The following CD109 variants were observed in gnomAD, a reference collection of about 807,000 sequenced individuals.
CD109 encodes CD109 antigen.
Under a neutral mutation model 165.8 loss-of-function variants are expected in CD109, and 149 were observed. That is an observed-to-expected ratio of 0.90 (90% confidence interval 0.79 to 1.03). CD109 has a LOEUF of 1.03. Among genes scored for constraint, CD109 ranks in the 50% least tolerant of loss-of-function variants. The probability of loss-of-function intolerance (pLI) is 0.00; values close to 1 mark genes in which losing one functional copy is unlikely to be tolerated. For missense variants in CD109, 1,712 were observed against 1,677.8 expected, an observed-to-expected ratio of 1.02 and a Z score of -0.36; for synonymous variants, 585 against 592.1, an observed-to-expected ratio of 0.99 and a Z score of 0.18.
At chr6:73,788,826 G>C (rs1430711887) in intron 22 of CD109, among the ~76,000 whole-genome samples, 1 of 152,270 alleles carries the variant, frequency 6.6e-6, no homozygotes, top group African/African-American at 2.4e-5. Flanking sequence ...AATCACCTGG[G>C]AGTCTTGTTT....
intron 9 of CD109, 53 bp downstream of exon 9, chr6:73,762,935 A>T (rs1773690382): frequency 6.8e-7 from 1 of 1,461,008 alleles, no homozygotes; most frequent in Admixed American, 2.3e-5. Context: ...CTGCTTTATC[A>T]TCTTTCTTAT....
At chr6:73,820,391 A>ATTTT in intron 31 of CD109, 70 bp from the exon 32 acceptor site, 1 of 795,864 alleles carries the variant, frequency 1.3e-6, no homozygotes, top group Non-Finnish European at 2.0e-6. Context: ...GATGAGAAAA[A>ATTTT]AGAAATGTCT....
At chr6:73,797,927 A>G (rs1235059484) in intron 23 of CD109, among the ~76,000 whole-genome samples, 2 of 152,168 alleles carry the variant, frequency 1.3e-5, no homozygotes, top group Admixed American at 6.5e-5. Context: ...TTCAAACTCA[A>G]GAGCCATTCC....
chr6:73,781,088 C>T (rs1313385248), intron 16 of CD109, among the ~76,000 whole-genome samples, 171 bp from the exon 17 acceptor site: 3 of 146,654 alleles, frequency 2.0e-5, no homozygotes, highest in South Asian at 4.3e-4. Flanking sequence ...TGTGTGTGTG[C>T]GTGTGTGTGT....
chr6:73,700,420 G>A (rs150845565), intron 2 of CD109, among the ~76,000 whole-genome samples: 6 of 152,002 alleles, frequency 3.9e-5, no homozygotes, highest in Admixed American at 2.6e-4. Flanking sequence ...CCAACAGAAG[G>A]TTGGTTTTAA....
rs749134372 is a variant in CD109 at position 73,792,670 on chromosome 6, C to T, written c.2746C>T (p.Arg916Trp). The part of the protein sequence containing the change: ...PSINGLASLI[R>W]MPYGCGEQNM... ...CATCAATGGCTTAGCCTCATTGATT[C>T]GGATGCCTTATGGCTGTGGTGAACA... The change falls in exon 23 of 33, where the codon CGG (arginine) becomes TGG (tryptophan). Residue 916 changes from arginine (R) to tryptophan (W), a missense_variant. Arg to Trp is a moderately radical substitution (Grantham distance 101). Transcript: ENST00000287097. 1.9e-5 allele frequency: 31 copies of T among 1,613,136 alleles called. No individual in the cohort carries two copies. The highest frequency in any genetic ancestry group is 8.0e-5 in the African/African-American group (6 of 74,910).
intron 28 of CD109, 132 bp from the exon 29 acceptor site, chr6:73,812,073 C>T (rs1775775459): frequency 1.8e-6 from 1 of 559,204 alleles, no homozygotes; most frequent in Middle Eastern, 2.8e-4. Context: ...ATATGTGAGA[C>T]AGTGCAAAGC....
At chr6:73,815,275 A>G in intron 30 of CD109, 152 bp downstream of exon 30, 1 of 539,250 alleles carries the variant, frequency 1.9e-6, no homozygotes, top group Non-Finnish European at 3.0e-6. Flanking sequence ...TAGAAATACT[A>G]CTAATTATAT....
Position 73,730,445 on chromosome 6 carries a change from C to G in CD109, c.378C>G (p.Thr126=). The change falls in exon 4 of 33, where the codon ACC becomes ACG. Residue 126 remains threonine, a synonymous_variant. Coordinates refer to ENST00000287097, the MANE Select transcript of CD109 (RefSeq NM_133493.5). ...FSNSTRLSFE[T]KRISVFIQTD... ...ATAGTACCCGCTTATCATTTGAGAC[C>G]AAGAGAATATCTGTCTTCATTCAAA... The G allele has an allele frequency of 1.2e-6, 2 of 1,613,072 alleles. No individual in the cohort carries two copies. Among genetic ancestry groups the G allele is most frequent in the Admixed American group, 1.7e-5 (1 of 60,016 alleles).
At position 73,785,368 on chromosome 6, in the gene CD109, A is replaced by C. The variant is rs1219458135; in HGVS notation, c.2228A>C (p.Gln743Pro). The part of the protein sequence containing the change: ...LGLTTTPVEL[Q>P]AFQPFFIFLN... ...TACTCGTTGTGTTCTTTCCAGCTCC[A>C]AGCCTTCCAACCATTTTTCATTTTT... The change falls in exon 20 of 33, where the codon CAA (glutamine) becomes CCA (proline). Residue 743 changes from glutamine (Q) to proline (P), a missense_variant. Gln to Pro is a moderately conservative substitution (Grantham distance 76, BLOSUM62 -1). Transcript: ENST00000287097. 8 of 1,582,272 alleles carry C rather than the reference A, an allele frequency of 5.1e-6. No homozygotes were observed. The South Asian group carries it at 9.0e-5, about 18-fold the overall frequency.
chr6:73,796,966 A>G (rs1261808017), intron 23 of CD109, among the ~76,000 whole-genome samples: 3 of 152,236 alleles, frequency 2.0e-5, no homozygotes, highest in Non-Finnish European at 4.4e-5. Flanking sequence ...GCTTTTCATT[A>G]TGAAATCAGT....
At chr6:73,694,079 G>A (rs1770743000), upstream of CD109, 1 of 152,018 alleles carries the variant, frequency 6.6e-6, no homozygotes, top group South Asian at 2.1e-4. Flanking sequence ...AGTAGAGATG[G>A]GGTTTCACAA....
At chr6:73,813,211 G>A (rs1775811889) in intron 29 of CD109, among the ~76,000 whole-genome samples, 1 of 152,072 alleles carries the variant, frequency 6.6e-6, no homozygotes, top group Non-Finnish European at 1.5e-5. Context: ...GAAAGAGAAA[G>A]TAAACAATTT....
chr6:73,817,319 GT>G (rs1008126694), intron 30 of CD109, among the ~76,000 whole-genome samples: 49 of 151,940 alleles, frequency 3.2e-4, no homozygotes, highest in African/African-American at 1.1e-3. Flanking sequence ...CATATTGACT[GT>G]TTTTTTCTCA....
chr6:73,697,179 G>A (rs1770874543), intron 1 of CD109, among the ~76,000 whole-genome samples: 1 of 152,190 alleles, frequency 6.6e-6, no homozygotes, highest in Non-Finnish European at 1.5e-5. Flanking sequence ...TCCTCTAGTA[G>A]TGATGCATGA....
Position 73,823,583 on chromosome 6 carries a change from A to AT in CD109, c.4293dup (p.Ile1432TyrfsTer19), listed in dbSNP as rs1471548540. The AT allele has an allele frequency of 8.1e-6, 13 of 1,613,326 alleles. No individual in the cohort carries two copies. The highest frequency in any genetic ancestry group is 1.1e-5 in the Non-Finnish European group (13 of 1,179,844). On this transcript the variant is annotated frameshift_variant, in exon 33 of 33. Transcript: ENST00000287097. LOFTEE classifies it low-confidence loss of function (END_TRUNC). Reference sequence around the variant, plus strand: ...AGGCTCCCATCATCACTCTTCAGTCATTTTTATTTTCTGTTTCAAGCTTCT... The same window carrying AT: ...AGGCTCCCATCATCACTCTTCAGTCATTTTTTATTTTCTGTTTCAAGCTTCT...
chr6:73,777,679 C>G (rs1437484067), intron 15 of CD109, among the ~76,000 whole-genome samples: 1 of 152,160 alleles, frequency 6.6e-6, no homozygotes, highest in Non-Finnish European at 1.5e-5. Flanking sequence ...AATCCTTTCC[C>G]CATTGCTTGT....
intron 23 of CD109, among the ~76,000 whole-genome samples, chr6:73,798,859 G>T (rs1775262741): frequency 6.6e-6 from 1 of 152,128 alleles, no homozygotes; most frequent in African/African-American, 2.4e-5. Context: ...ATGTGATCTG[G>T]GGGTGTGGAG....
At position 73,825,687 on chromosome 6, in the gene CD109, G is replaced by A. The variant is rs2150317278; in HGVS notation, c.*2054G>A. 6.6e-6 allele frequency: 1 copy of A among 152,234 alleles called. No homozygotes were observed. The highest frequency in any genetic ancestry group is 3.4e-3 in the Middle Eastern group (1 of 294). 9.4% of individuals were successfully genotyped at this position (152,234 alleles called of 1,614,324 possible). A position where few individuals can be genotyped will look rare whatever the true frequency, so the allele number is the denominator to read the frequency against. On this transcript the variant is annotated 3_prime_UTR_variant, in exon 33 of 33. Transcript: ENST00000287097. ...AGAACTCCATGTTTTCAAGTTAAAG[G>A]TCACCTCGTAGGCCAGGCGCAGTGG...
Sources: allele counts gnomAD v4.1 joint callset (sites outside exome capture counted in the v4.1 genomes callset), GRCh38; gene constraint gnomAD v4.1.1; transcripts MANE v1.5; gene names NCBI Gene and HGNC (gene_info 2026-07-23, HGNC 2026-07-21).